CDH23: variants seen among roughly 807,000 people sequenced by gnomAD.
CDH23 encodes cadherin related 23.
In CDH23, 189 loss-of-function variants were observed where a neutral mutation model predicts 317.1. The observed-to-expected ratio is 0.60, with a 90% CI of 0.53 to 0.67. The LOEUF (loss-of-function observed/expected upper bound fraction) is 0.67. Ranked by LOEUF, CDH23 falls within the 30% of genes least tolerant of loss-of-function variation. CDH23 has a pLI of 0.00. For missense variants in CDH23, 4,401 were observed against 4,592.4 expected, an observed-to-expected ratio of 0.96 and a Z score of 1.20; for synonymous variants, 1,839 against 1,876.8, an observed-to-expected ratio of 0.98 and a Z score of 0.52.
intron 38 of CDH23, chr10:71,750,374 G>A (rs1329148048): frequency 1.3e-5 from 2 of 152,300 alleles, no homozygotes; most frequent in Non-Finnish European, 2.9e-5. Context: ...AAGTGTCCCA[G>A]GGTGGACAAG....
chr10:71,461,842 G>A (rs1851004762), intron 3 of CDH23, among the ~76,000 whole-genome samples: 2 of 152,184 alleles, frequency 1.3e-5, no homozygotes, highest in African/African-American at 2.4e-5. Flanking sequence ...CTGGGGTGTG[G>A]GCTCATGTTG....
chr10:71,785,788 G>A (rs1460536537), intron 44 of CDH23, 50 bp downstream of exon 44: 3 of 1,156,070 alleles, frequency 2.6e-6, no homozygotes, highest in Non-Finnish European at 3.8e-6. Flanking sequence ...AGAGGCGCAT[G>A]GAGAGAGAAC....
chr10:71,530,923 C>T (rs1855340137), intron 6 of CDH23, among the ~76,000 whole-genome samples: 1 of 152,246 alleles, frequency 6.6e-6, no homozygotes, highest in African/African-American at 2.4e-5. Flanking sequence ...CTGGGTTACA[C>T]AGCTGGCCAG....
chr10:71,680,409 C>T (rs1193269100), intron 17 of CDH23, among the ~76,000 whole-genome samples: 1 of 152,170 alleles, frequency 6.6e-6, no homozygotes, highest in Non-Finnish European at 1.5e-5. Flanking sequence ...GGTCATTCCT[C>T]CCACTACCCC....
chr10:71,576,858 G>A (rs1011147275), intron 8 of CDH23, among the ~76,000 whole-genome samples: 2 of 152,162 alleles, frequency 1.3e-5, no homozygotes, highest in Non-Finnish European at 2.9e-5. Context: ...TTGTTTGTTC[G>A]TTTGTTTATT....
rs952008707 is a variant in CDH23 at position 71,690,655 on chromosome 10, A to T, written c.2176+71A>T. On this transcript the variant is annotated intron_variant, in intron 20 of 69. Coordinates refer to ENST00000224721, the MANE Select transcript of CDH23 (RefSeq NM_022124.6). ...CTGACTGTCCATACCCGGCCCCAGG[A>T]CCAGCCTCTGGGCCCAGGTCCCCTT... The T allele has an allele frequency of 1.8e-4, 201 of 1,095,152 alleles. 1 individual carries two copies. The East Asian group carries it at 5.1e-3, about 28-fold the overall frequency. 67.8% of individuals were successfully genotyped at this position (1,095,152 alleles called of 1,614,324 possible).
chr10:71,569,041 CT>C (rs1425344463), intron 7 of CDH23, among the ~76,000 whole-genome samples: 3 of 152,366 alleles, frequency 2.0e-5, no homozygotes, highest in African/African-American at 4.8e-5. Context: ...TTGTTTTGAG[CT>C]TCCCCGCTCC....
chr10:71,721,889 C>CA (rs1314466184), intron 28 of CDH23, among the ~76,000 whole-genome samples: 1 of 152,224 alleles, frequency 6.6e-6, no homozygotes, highest in Non-Finnish European at 1.5e-5. Context: ...TTAGCCTCCC[C>CA]AGCTGCCTCT....
intron 23 of CDH23, 74 bp downstream of exon 23, chr10:71,702,285 G>A (rs565190739): frequency 6.7e-7 from 1 of 1,499,444 alleles, no homozygotes; most frequent in Non-Finnish European, 9.2e-7. Flanking sequence ...GGCCTCTGGG[G>A]TACCTGGGGC....
chr10:71,527,046 A>T (rs571360453), intron 6 of CDH23, among the ~76,000 whole-genome samples: 19 of 152,228 alleles, frequency 1.2e-4, no homozygotes, highest in African/African-American at 4.1e-4. Context: ...GGACACCTGG[A>T]CTGTGGCACC....
rs536056315 is a variant in CDH23, at chr10:71,687,650, G to A, written c.1990G>A (p.Glu664Lys). The A allele has an allele frequency of 5.0e-6, 8 of 1,613,894 alleles. No homozygotes were observed. In the East Asian group the frequency reaches 6.7e-5, roughly 13 times the overall value. ...AACCTGTCTGTGTTCCTTCCAGGAT[G>A]AGAATGACAACCCTCCCACCTTCAG... is the stretch of plus-strand genomic sequence containing the variant. ...TVPVTIEVFDENDNPPTFSKP... is the reference protein window; with the variant it reads ...TVPVTIEVFDKNDNPPTFSKP... The change falls in exon 19 of 70, where the codon GAG becomes AAG. Residue 664 changes from glutamate (E) to lysine (K), a missense_variant. Glu to Lys is a moderately conservative substitution (Grantham distance 56). Transcript: ENST00000224721.
chr10:71,484,437 T>C (rs1266324638), intron 3 of CDH23, among the ~76,000 whole-genome samples: 1 of 152,150 alleles, frequency 6.6e-6, no homozygotes, highest in Non-Finnish European at 1.5e-5. Flanking sequence ...CAGGATCACC[T>C]TTTTCCAGAC....
chr10:71,715,429 C>T (rs1866168075), intron 28 of CDH23: 1 of 152,486 alleles, frequency 6.6e-6, no homozygotes, highest in Non-Finnish European at 1.5e-5. Flanking sequence ...CCCGGGAAAC[C>T]CAAGGAAGAG....
At chr10:71,791,493 T>C (rs1256109185) in intron 47 of CDH23, among the ~76,000 whole-genome samples, 158 bp downstream of exon 47, 5 of 152,068 alleles carry the variant, frequency 3.3e-5, no homozygotes, top group African/African-American at 1.2e-4. Flanking sequence ...TCAGGAGACC[T>C]GGGCCCCTGC....
At chr10:71,607,286 AG>A (rs1860588181) in intron 9 of CDH23, among the ~76,000 whole-genome samples, 1 of 152,226 alleles carries the variant, frequency 6.6e-6, no homozygotes, top group African/African-American at 2.4e-5. Flanking sequence ...AGGAAGGGCC[AG>A]GGGCCTCTGA....
chr10:71,708,769 G>A (rs1302537838), intron 26 of CDH23, among the ~76,000 whole-genome samples: 4 of 152,238 alleles, frequency 2.6e-5, no homozygotes, highest in Non-Finnish European at 2.9e-5. Context: ...AGGGACCCAC[G>A]CATGGAGAAA....
At chr10:71,762,993 G>A (rs1300412281) in intron 38 of CDH23, among the ~76,000 whole-genome samples, 3 of 152,140 alleles carry the variant, frequency 2.0e-5, no homozygotes, top group East Asian at 1.9e-4. Context: ...TAGAGGCCGC[G>A]TTTCTATCTA....
chr10:71,499,345 T>G (rs371784040), intron 3 of CDH23, among the ~76,000 whole-genome samples: 1 of 152,280 alleles, frequency 6.6e-6, no homozygotes, highest in East Asian at 1.9e-4. Context: ...GCAGATCACC[T>G]GAGGTCAGGA....
At chr10:71,640,726 C>A (rs10466025) in intron 11 of CDH23, among the ~76,000 whole-genome samples, 78,017 of 151,858 alleles carry the variant, frequency 0.51, 21,004 homozygotes, top group Non-Finnish European at 0.62. Flanking sequence ...TGCACTCCAG[C>A]CTGGGCGACC....
Sources: allele counts gnomAD v4.1 joint callset (sites outside exome capture counted in the v4.1 genomes callset), GRCh38; gene constraint gnomAD v4.1.1; transcripts MANE v1.5; gene names NCBI Gene and HGNC (gene_info 2026-07-23, HGNC 2026-07-21).